The following ERBIN variants were observed in gnomAD, a reference collection of about 807,000 sequenced individuals.
ERBIN encodes densin-180-like protein.
A neutral mutation model predicts 158.4 loss-of-function variants in ERBIN; 60 were observed. The observed-to-expected ratio is 0.38, with a 90% CI of 0.31 to 0.47. ERBIN has a LOEUF of 0.47. Among genes scored for constraint, ERBIN ranks in the 20% least tolerant of loss-of-function variants. The probability of loss-of-function intolerance (pLI) is 0.99; values close to 1 mark genes in which losing one functional copy is unlikely to be tolerated. For synonymous variants in ERBIN, 594 were observed against 557.2 expected (o/e 1.07, Z -0.93); for missense variants, 1,610 against 1,648.0 (o/e 0.98, Z 0.40).
intron 4 of ERBIN, among the ~76,000 whole-genome samples, chr5:66,000,750 C>G (rs1248782771): frequency 6.6e-6 from 1 of 152,102 alleles, no homozygotes; most frequent in African/African-American, 2.4e-5. Flanking sequence ...TGTATTTTCT[C>G]TCCTTTTAGT....
intron 22 of ERBIN, among the ~76,000 whole-genome samples, chr5:66,072,906 A>T (rs925598600): frequency 3.3e-5 from 5 of 152,310 alleles, no homozygotes; most frequent in Middle Eastern, 6.8e-3. Context: ...ATTACATAAA[A>T]CTTCTATGTT....
chr5:66,080,043 A>G lies in ERBIN; in HGVS notation c.*1513A>G, dbSNP rs959659879. On this transcript the variant is annotated 3_prime_UTR_variant, in exon 26 of 26. Transcript: ENST00000284037. ...AGGCTAGTCTGGAACCTTTCATTAG[A>G]GCAATATTTGGTTATTGCACTTCAT... 1 of 152,196 alleles carries G rather than the reference A, an allele frequency of 6.6e-6. No individual in the cohort carries two copies. The highest frequency in any genetic ancestry group is 2.4e-5 in the African/African-American group (1 of 41,466). 9.4% of individuals were successfully genotyped at this position (152,196 alleles called of 1,614,324 possible). A position where few individuals can be genotyped will look rare whatever the true frequency, so the allele number is the denominator to read the frequency against.
At chr5:66,019,208 T>A (rs1295984500) in intron 7 of ERBIN, among the ~76,000 whole-genome samples, 1 of 152,186 alleles carries the variant, frequency 6.6e-6, no homozygotes, top group Non-Finnish European at 1.5e-5. Flanking sequence ...CCTAATGGTT[T>A]TTGCTTGATT....
chr5:66,061,475 G>A (rs1327015482), intron 21 of ERBIN, among the ~76,000 whole-genome samples: 4 of 152,194 alleles, frequency 2.6e-5, no homozygotes, highest in Non-Finnish European at 5.9e-5. Context: ...ACAGCACACT[G>A]ATGGGTCTTG....
intron 1 of ERBIN, among the ~76,000 whole-genome samples, chr5:65,939,038 C>T (rs1351146753): frequency 6.6e-6 from 1 of 152,104 alleles, no homozygotes; most frequent in Non-Finnish European, 1.5e-5. Context: ...GTGTGATGTA[C>T]AGTAATAGAG....
chr5:65,966,648 C>G (rs1748653309), intron 1 of ERBIN, among the ~76,000 whole-genome samples: 1 of 132,194 alleles, frequency 7.6e-6, no homozygotes, highest in South Asian at 2.5e-4. Context: ...CCCTTGCACT[C>G]CAGCCTGGGC....
intron 13 of ERBIN, among the ~76,000 whole-genome samples, chr5:66,028,006 A>C (rs544116498): frequency 3.3e-5 from 5 of 152,114 alleles, no homozygotes; most frequent in African/African-American, 1.2e-4. Context: ...TTTTCAACAG[A>C]TTTTTAAGGT....
chr5:66,035,070 C>T (rs530801983), intron 14 of ERBIN, among the ~76,000 whole-genome samples: 1 of 152,282 alleles, frequency 6.6e-6, no homozygotes, highest in Non-Finnish European at 1.5e-5. Context: ...GTCCTTTTAC[C>T]TGACTGCTCC....
rs911864360 is a variant in ERBIN, at chr5:66,081,709, G to A, written c.*3179G>A. 1 of 151,950 alleles carries A rather than the reference G, an allele frequency of 6.6e-6. No individual in the cohort carries two copies. The highest frequency in any genetic ancestry group is 1.5e-5 in the Non-Finnish European group (1 of 67,944). 9.4% of individuals were successfully genotyped at this position (151,950 alleles called of 1,614,324 possible). ...ACTTCTAAAGGGAGGCATTAAGATG[G>A]GAAATGTTTCTCTGATGGAGATTGA... On this transcript the variant is annotated 3_prime_UTR_variant, in exon 26 of 26. Coordinates refer to ENST00000284037, the MANE Select transcript of ERBIN (RefSeq NM_001253697.2).
At chr5:66,038,918 G>A (rs2151192131) in intron 15 of ERBIN, among the ~76,000 whole-genome samples, 1 of 152,078 alleles carries the variant, frequency 6.6e-6, no homozygotes, top group Non-Finnish European at 1.5e-5. Context: ...TGCCCGACAA[G>A]GGGGAGTATA....
intron 1 of ERBIN, among the ~76,000 whole-genome samples, chr5:65,941,661 G>A (rs1745060222): frequency 6.6e-6 from 1 of 152,134 alleles, no homozygotes; most frequent in Non-Finnish European, 1.5e-5. Context: ...GTGTGACAAG[G>A]AAAAGGATCT....
intron 4 of ERBIN, among the ~76,000 whole-genome samples, chr5:66,002,982 G>A (rs781253915): frequency 6.6e-6 from 1 of 152,192 alleles, no homozygotes; most frequent in Non-Finnish European, 1.5e-5. Flanking sequence ...TTTGATAAAT[G>A]TAGACTGTTA....
intron 14 of ERBIN, among the ~76,000 whole-genome samples, chr5:66,029,432 A>G (rs1463000077): frequency 2.0e-5 from 3 of 152,272 alleles, no homozygotes; most frequent in Non-Finnish European, 2.9e-5. Flanking sequence ...TCCGCAGCCA[A>G]ATTTTCTTGG....
intron 6 of ERBIN, among the ~76,000 whole-genome samples, chr5:66,014,116 A>G (rs556523680): frequency 6.6e-6 from 1 of 152,192 alleles, no homozygotes; most frequent in Non-Finnish European, 1.5e-5. Flanking sequence ...TAAATTAACT[A>G]CTAGAGAAAA....
chr5:66,065,227 T>C lies in ERBIN; in HGVS notation c.3634-6942T>C, dbSNP rs189241738. The stretch of plus-strand genomic sequence containing the variant: ...AGTGAATTTTCCTAGGCAGTAATTA[T>C]GTGGGATAAGAAAAAAGTGTGTTTT... On this transcript the variant is annotated intron_variant, in intron 21 of 25. Coordinates refer to ENST00000284037, the MANE Select transcript of ERBIN (RefSeq NM_001253697.2). 5.7e-3 allele frequency among the ~76,000 whole-genome samples: 862 copies of C among 152,352 alleles called. 6 individuals are homozygous for C. The highest frequency in any genetic ancestry group is 0.01 in the Non-Finnish European group (698 of 68,028).
chr5:65,954,334 A>C (rs1293400015), intron 1 of ERBIN, among the ~76,000 whole-genome samples: 2 of 152,158 alleles, frequency 1.3e-5, no homozygotes, highest in African/African-American at 4.8e-5. Context: ...GAATTGGTGA[A>C]AATTAGTCTT....
intron 1 of ERBIN, among the ~76,000 whole-genome samples, chr5:65,969,309 T>C (rs187604846): frequency 5.9e-5 from 9 of 152,342 alleles, no homozygotes; most frequent in South Asian, 2.1e-4. Context: ...GGAAAAACTA[T>C]TATTTATTCA....
intron 21 of ERBIN, among the ~76,000 whole-genome samples, chr5:66,059,146 A>T (rs1759964085): frequency 6.6e-6 from 1 of 152,026 alleles, no homozygotes; most frequent in African/African-American, 2.4e-5. Flanking sequence ...CATTTTCATG[A>T]TATTGATTCT....
intron 21 of ERBIN, among the ~76,000 whole-genome samples, chr5:66,057,995 ACGTGTG>A (rs1759803998): frequency 6.6e-6 from 1 of 152,032 alleles, no homozygotes; most frequent in Non-Finnish European, 1.5e-5. Context: ...CAATAAACAT[ACGTGTG>A]CATGTGTCTT....
Sources: gnomAD v4.1 joint callset for allele counts (sites outside exome capture counted in the v4.1 genomes callset) on GRCh38, gnomAD v4.1.1 for gene constraint, MANE v1.5 for transcripts, NCBI Gene and HGNC (gene_info 2026-07-23, HGNC 2026-07-21) for gene names.